TSNARE1: variants seen among roughly 807,000 people sequenced by gnomAD.
TSNARE1 encodes the protein t-SNARE domain-containing protein 1.
A neutral mutation model predicts 62.0 loss-of-function variants in TSNARE1; 49 were observed. The observed-to-expected ratio is 0.79, with a 90% confidence interval of 0.63 to 1.00. The LOEUF is 1.00. Among genes scored for constraint, TSNARE1 ranks in the 50% least tolerant of loss-of-function variants. TSNARE1 has a pLI of 0.00. For synonymous variants in TSNARE1, 328 were observed against 294.4 expected, an observed-to-expected ratio of 1.11 and a Z score of -1.17; for missense variants, 755 against 700.1, an observed-to-expected ratio of 1.08 and a Z score of -0.88.
rs749267041 is a variant in TSNARE1 at position 142,344,137 on chromosome 8, G to C, written c.574C>G (p.Arg192Gly). 6.2e-7 allele frequency: 1 copy of C among 1,612,812 alleles called. No individual in the cohort carries two copies. Reference protein sequence around the residue: ...VDLKHKWRDLRAVVRRKLGDL... With the variant: ...VDLKHKWRDLGAVVRRKLGDL... The stretch of plus-strand genomic sequence containing the variant: ...CCCAGCTTGCGCCGCACGACGGCTC[G>C]TAGGTCCCGCCACTTGTGCTTCAGG... The change falls in exon 4 of 14, where the codon CGA (arginine) becomes GGA (glycine). Residue 192 changes from arginine to glycine, a missense_variant. Coordinates refer to ENST00000524325, the MANE Select transcript of TSNARE1 (RefSeq NM_145003.5).
intron 12 of TSNARE1, among the ~76,000 whole-genome samples, chr8:142,243,716 T>C (rs756150327): frequency 3.3e-5 from 5 of 152,166 alleles, no homozygotes; most frequent in Non-Finnish European, 7.3e-5. Context: ...TAATAATGTA[T>C]AGTAGACTTA....
chr8:142,314,068 C>T (rs749230659), intron 9 of TSNARE1, among the ~76,000 whole-genome samples: 16 of 152,202 alleles, frequency 1.1e-4, no homozygotes, highest in Non-Finnish European at 5.9e-5. Flanking sequence ...CGTGAGCCAC[C>T]GCGCCCGGCC....
intron 1 of TSNARE1, among the ~76,000 whole-genome samples, chr8:142,375,092 G>C (rs961905395): frequency 1.3e-5 from 2 of 152,244 alleles, no homozygotes; most frequent in East Asian, 3.9e-4. Flanking sequence ...ACAGAAGTGG[G>C]TCTCACACAG....
Position 142,344,423 on chromosome 8 carries a change from T to G in TSNARE1, c.288A>C (p.Ser96=), listed in dbSNP as rs755326270. ...AGTCCTTCCTCGGGCCAATGGTGGGTGATGAGGTGGGCTCCGGCATCCGGC... is the reference window on the plus strand; with the variant it reads ...AGTCCTTCCTCGGGCCAATGGTGGGGGATGAGGTGGGCTCCGGCATCCGGC... ...EGSRMPEPTS[S]PTIGPRKDSA... is the part of the protein sequence containing the mutation. The change falls in exon 4 of 14, where the codon TCA becomes TCC. Residue 96 remains serine (S), a synonymous_variant. Coordinates refer to ENST00000524325, the MANE Select transcript of TSNARE1 (RefSeq NM_145003.5). 185 of 1,587,044 alleles carry G rather than the reference T, an allele frequency of 1.2e-4. No individual in the cohort carries two copies. The highest frequency in any genetic ancestry group is 1.5e-4 in the Non-Finnish European group (179 of 1,167,984).
intron 12 of TSNARE1, among the ~76,000 whole-genome samples, chr8:142,262,743 T>C (rs925771062): frequency 6.6e-6 from 1 of 151,570 alleles, no homozygotes; most frequent in South Asian, 2.1e-4. Flanking sequence ...CCTTCCACCA[T>C]GATTGTAAGT....
chr8:142,262,866 T>C (rs1818963560), intron 12 of TSNARE1, among the ~76,000 whole-genome samples: 1 of 152,230 alleles, frequency 6.6e-6, no homozygotes, highest in African/African-American at 2.4e-5. Flanking sequence ...GGTATTTCTC[T>C]ACAGCAAAGC....
rs369566435 is a variant in TSNARE1 at position 142,311,423 on chromosome 8, G to A, written c.1131+2961C>T. ...AGTGGTTCTCCTGCTTCAGCCTCCCGAGTAGGTGGAATTACAGGCATGTGC... is the reference window on the plus strand; with the variant it reads ...AGTGGTTCTCCTGCTTCAGCCTCCCAAGTAGGTGGAATTACAGGCATGTGC... On this transcript the variant is annotated intron_variant, in intron 9 of 13. Coordinates refer to ENST00000524325, the MANE Select transcript of TSNARE1 (RefSeq NM_145003.5). Among the ~76,000 whole-genome samples, 48 of 149,344 alleles carry A rather than the reference G, an allele frequency of 3.2e-4. 1 individual carries two copies. The South Asian group carries it at 8.6e-3, about 27-fold the overall frequency.
chr8:142,282,508 CCAA>C (rs1360819800), intron 11 of TSNARE1, among the ~76,000 whole-genome samples: 2 of 149,784 alleles, frequency 1.3e-5, no homozygotes, highest in East Asian at 3.9e-4. Context: ...TCAGTGTCTG[CCAA>C]CGAGCAGAGG....
At chr8:142,405,563 T>C (rs922654139), upstream of TSNARE1, 3 of 152,208 alleles carry the variant, frequency 2.0e-5, no homozygotes, top group Non-Finnish European at 2.9e-5. Context: ...GGAAGGAACG[T>C]TGAGGCAGCA....
chr8:142,370,398 A>G (rs921850132), intron 1 of TSNARE1, among the ~76,000 whole-genome samples: 20 of 152,244 alleles, frequency 1.3e-4, no homozygotes, highest in African/African-American at 4.3e-4. Flanking sequence ...GTGAGACTCC[A>G]TCTCTACAAA....
chr8:142,275,402 A>T (rs1027311372), intron 11 of TSNARE1: 15 of 985,112 alleles, frequency 1.5e-5, no homozygotes, highest in Non-Finnish European at 1.8e-5. Flanking sequence ...ATCACGGGAG[A>T]TGGTACCTGG....
chr8:142,337,983 A>G (rs1463337973), intron 4 of TSNARE1, among the ~76,000 whole-genome samples: 2 of 152,208 alleles, frequency 1.3e-5, no homozygotes, highest in Non-Finnish European at 2.9e-5. Flanking sequence ...CCTCATTCCC[A>G]GTCCTGTCCC....
rs755703085 is a variant in TSNARE1 at position 142,330,946 on chromosome 8, T to C, written c.848A>G (p.Gln283Arg). ...SSVTSLERSL[Q>R]SLGTPSDTQE... is the part of the protein sequence containing the mutation. ...CGTGTCACTCGGTGTCCCTAAGGAC[T>C]GAAGGCTCCGCTCCAAGGAGGTCAC... is the stretch of plus-strand genomic sequence containing the variant. Residue 283 changes from glutamine (Q) to arginine (R), a missense_variant, in exon 6 of 14, where the codon CAG becomes CGG. Coordinates refer to ENST00000524325, the MANE Select transcript of TSNARE1 (RefSeq NM_145003.5). 14 of 1,613,936 alleles carry C rather than the reference T, an allele frequency of 8.7e-6. No individual in the cohort carries two copies. The highest frequency in any genetic ancestry group is 1.1e-5 in the South Asian group (1 of 91,090).
chr8:142,331,607 C>T (rs529032514), intron 5 of TSNARE1, 147 bp downstream of exon 5: 2 of 729,968 alleles, frequency 2.7e-6, no homozygotes, highest in Non-Finnish European at 4.7e-6. Flanking sequence ...TCGCATCCAA[C>T]GTCGCATCAG....
chr8:142,304,429 G>A (rs946119523), intron 9 of TSNARE1, among the ~76,000 whole-genome samples: 1 of 152,238 alleles, frequency 6.6e-6, no homozygotes, highest in Non-Finnish European at 1.5e-5. Flanking sequence ...CTGTAGAATG[G>A]GAGCAGCGGC....
intron 12 of TSNARE1, among the ~76,000 whole-genome samples, chr8:142,230,928 C>G (rs1817081763): frequency 6.6e-6 from 1 of 150,754 alleles, no homozygotes; most frequent in South Asian, 2.1e-4. Context: ...ATCTGTCCAT[C>G]CATCCATCCG....
At position 142,342,223 on chromosome 8, in the gene TSNARE1, C is replaced by T. The variant is rs116063283; in HGVS notation, c.745+1743G>A. Among the ~76,000 whole-genome samples, 1,208 of 152,368 alleles carry T rather than the reference C, an allele frequency of 7.9e-3. 21 individuals are homozygous for T. Among genetic ancestry groups the T allele is most frequent in the African/African-American group, 0.028 (1,155 of 41,594 alleles). On this transcript the variant is annotated intron_variant, in intron 4 of 13. Transcript: ENST00000524325. The stretch of plus-strand genomic sequence containing the variant: ...CCCGAGGAAGTTCCGGCAGCAAGGC[C>T]AAGTGACTCGGGGCCGGGACTGCCA...
intron 12 of TSNARE1, among the ~76,000 whole-genome samples, chr8:142,232,256 C>T (rs1267043178): frequency 6.6e-6 from 1 of 152,256 alleles, no homozygotes; most frequent in Admixed American, 6.5e-5. Flanking sequence ...TCTATCCACA[C>T]ACCCAGCTCC....
At chr8:142,217,854 G>A (rs77903855) in intron 13 of TSNARE1, among the ~76,000 whole-genome samples, 14,910 of 80,846 alleles carry the variant, frequency 0.18, 1,507 homozygotes, top group African/African-American at 0.26. Flanking sequence ...GTGTGAGCAG[G>A]ATCAGGGCTC....
Sources: allele counts gnomAD v4.1 joint callset (sites outside exome capture counted in the v4.1 genomes callset), GRCh38; gene constraint gnomAD v4.1.1; transcripts MANE v1.5; gene names NCBI Gene and HGNC (gene_info 2026-07-23, HGNC 2026-07-21).